The following DACH1 variants were observed in gnomAD, a reference collection of about 807,000 sequenced individuals.
DACH1 encodes dachshund homolog 1.
In DACH1, 12 loss-of-function variants were observed where a neutral mutation model predicts 54.2. That is an observed-to-expected ratio of 0.22 (90% CI 0.14 to 0.36). The LOEUF (loss-of-function observed/expected upper bound fraction) is 0.36, where lower values mean the gene tolerates loss of function less well. Ranked by LOEUF, DACH1 falls within the 10% of genes least tolerant of loss-of-function variation. The pLI is 1.00. For synonymous variants in DACH1, 386 were observed against 366.2 expected, an observed-to-expected ratio of 1.05 and a Z score of -0.62; for missense variants, 805 against 929.8, an observed-to-expected ratio of 0.87 and a Z score of 1.75.
chr13:71,609,970 G>A (rs1427128387), intron 3 of DACH1, among the ~76,000 whole-genome samples: 1 of 152,104 alleles, frequency 6.6e-6, no homozygotes, highest in Non-Finnish European at 1.5e-5. Flanking sequence ...ATATCAGGGA[G>A]AAATGAGACA....
intron 6 of DACH1, among the ~76,000 whole-genome samples, chr13:71,512,555 G>A (rs1880859455): frequency 6.6e-6 from 1 of 151,768 alleles, no homozygotes; most frequent in African/African-American, 2.4e-5. Context: ...ACAAATATTT[G>A]GTCCAGTAGA....
At chr13:71,834,021 G>C (rs1445885551) in intron 1 of DACH1, among the ~76,000 whole-genome samples, 2 of 151,992 alleles carry the variant, frequency 1.3e-5, no homozygotes, top group Non-Finnish European at 2.9e-5. Context: ...CTTTACAAAA[G>C]TATGGACACA....
chr13:71,602,012 C>T (rs912201618), intron 3 of DACH1, among the ~76,000 whole-genome samples: 1 of 151,730 alleles, frequency 6.6e-6, no homozygotes, highest in African/African-American at 2.4e-5. Context: ...CATTGAATAC[C>T]CTTGGCTCAT....
At chr13:71,836,009 A>G (rs1419348115) in intron 1 of DACH1, among the ~76,000 whole-genome samples, 1 of 152,056 alleles carries the variant, frequency 6.6e-6, no homozygotes, top group African/African-American at 2.4e-5. Flanking sequence ...AAAATAGTTC[A>G]CTAATACTCC....
intron 1 of DACH1, among the ~76,000 whole-genome samples, chr13:71,746,681 G>A (rs954567791): frequency 6.6e-6 from 1 of 152,092 alleles, no homozygotes; most frequent in Admixed American, 6.5e-5. Context: ...CACAGTATCT[G>A]CAGGCTACCT....
rs149264805 is a variant in DACH1 at position 71,700,099 on chromosome 13, G to GCA, written c.849-18191_849-18190dup. On this transcript the variant is annotated intron_variant, in intron 1 of 10. Transcript: ENST00000613252. ...AAAGTGTGTGTGCGTGCATGCATGT[G>GCA]CACACACACACACACACACGAGACA... 1.3e-3 allele frequency among the ~76,000 whole-genome samples: 201 copies of GCA among 149,844 alleles called. 2 individuals are homozygous for GCA. Among genetic ancestry groups the GCA allele is most frequent in the African/African-American group, 3.1e-3 (128 of 40,960 alleles).
intron 1 of DACH1, among the ~76,000 whole-genome samples, chr13:71,810,721 T>C (rs1230033019): frequency 6.6e-6 from 1 of 152,188 alleles, no homozygotes; most frequent in African/African-American, 2.4e-5. Flanking sequence ...TTCATTATTT[T>C]TAACAAAATG....
At chr13:71,555,490 CG>C (rs1397478658) in intron 6 of DACH1, among the ~76,000 whole-genome samples, 1 of 151,638 alleles carries the variant, frequency 6.6e-6, no homozygotes, top group East Asian at 1.9e-4. Context: ...ACTACAGGTG[CG>C]CACCATCACG....
intron 1 of DACH1, among the ~76,000 whole-genome samples, chr13:71,737,807 A>G (rs180687371): frequency 2.0e-4 from 30 of 152,322 alleles, no homozygotes; most frequent in Admixed American, 2.0e-3. Context: ...AAATGAAGTT[A>G]TAATCAACAA....
rs397978208 is a variant in DACH1, at chr13:71,614,853, C to CAAA, written c.1126+15700_1126+15702dup. On this transcript the variant is annotated intron_variant, in intron 3 of 10. Coordinates refer to ENST00000613252, the MANE Select transcript of DACH1 (RefSeq NM_080759.6). Reference sequence around the variant, plus strand: ...TGGGTGACAAACTAAAACTCTATCTCAAAAAAAAAAAAAAAAAAAAGCCAC... The same window carrying CAAA: ...TGGGTGACAAACTAAAACTCTATCTCAAAAAAAAAAAAAAAAAAAAAAAGCCAC... Among the ~76,000 whole-genome samples, 33 of 48,882 alleles carry CAAA rather than the reference C, an allele frequency of 6.8e-4. 1 individual carries two copies. Among genetic ancestry groups the CAAA allele is most frequent in the African/African-American group, 2.1e-3 (28 of 13,374 alleles). 32.1% of individuals were successfully genotyped at this position (48,882 alleles called of 152,430 possible).
chr13:71,621,817 T>C (rs1876260165), intron 3 of DACH1, among the ~76,000 whole-genome samples: 1 of 152,062 alleles, frequency 6.6e-6, no homozygotes, highest in Non-Finnish European at 1.5e-5. Context: ...TCCGTTTCAT[T>C]AGTGCAGACT....
At chr13:71,638,182 A>T (rs954219022) in intron 2 of DACH1, among the ~76,000 whole-genome samples, 2 of 152,210 alleles carry the variant, frequency 1.3e-5, no homozygotes, top group South Asian at 4.1e-4. Flanking sequence ...GGTAGTTATT[A>T]TTTTGGAATT....
intron 2 of DACH1, among the ~76,000 whole-genome samples, chr13:71,647,503 T>C (rs1878370850): frequency 6.6e-6 from 1 of 152,206 alleles, no homozygotes; most frequent in Non-Finnish European, 1.5e-5. Flanking sequence ...ATTAGCTGAT[T>C]ATGCTATATG....
chr13:71,795,409 T>C (rs2138106632), intron 1 of DACH1, among the ~76,000 whole-genome samples: 1 of 151,728 alleles, frequency 6.6e-6, no homozygotes, highest in South Asian at 2.1e-4. Flanking sequence ...CTTTGCCTTG[T>C]ACTTAAACAT....
At chr13:71,856,580 T>A (rs1874017682) in intron 1 of DACH1, among the ~76,000 whole-genome samples, 1 of 151,890 alleles carries the variant, frequency 6.6e-6, no homozygotes, top group Admixed American at 6.6e-5. Flanking sequence ...AAAGATGAAC[T>A]TTTTACCGAA....
intron 1 of DACH1, among the ~76,000 whole-genome samples, chr13:71,808,115 C>T (rs1447820488): frequency 6.6e-6 from 1 of 152,146 alleles, no homozygotes; most frequent in East Asian, 1.9e-4. Context: ...CTTCACCATA[C>T]CCACTTACAC....
At chr13:71,799,746 A>T (rs908214231) in intron 1 of DACH1, among the ~76,000 whole-genome samples, 5 of 152,124 alleles carry the variant, frequency 3.3e-5, no homozygotes, top group Admixed American at 3.3e-4. Flanking sequence ...CTACAAATGC[A>T]TGCTTATGGC....
At chr13:71,619,755 G>A (rs1222397754) in intron 3 of DACH1, among the ~76,000 whole-genome samples, 3 of 151,940 alleles carry the variant, frequency 2.0e-5, no homozygotes, top group Non-Finnish European at 2.9e-5. Context: ...GTTTGTGTAT[G>A]AGTGTCTAGC....
intron 1 of DACH1, among the ~76,000 whole-genome samples, chr13:71,762,953 A>G (rs1024599754): frequency 6.6e-6 from 1 of 152,134 alleles, no homozygotes; most frequent in African/African-American, 2.4e-5. Context: ...TCACTGGCAT[A>G]TAAAACGGCT....
Sources: gnomAD v4.1 joint callset for allele counts (sites outside exome capture counted in the v4.1 genomes callset) on GRCh38, gnomAD v4.1.1 for gene constraint, MANE v1.5 for transcripts, NCBI Gene and HGNC (gene_info 2026-07-23, HGNC 2026-07-21) for gene names.